FAM131C: variants seen among roughly 807,000 people sequenced by gnomAD.
FAM131C encodes the protein family with sequence similarity 131 member C, also known as protein FAM131C.
FAM131C carries 14 observed loss-of-function variants against 29.8 expected under a neutral mutation model. The ratio of observed to expected loss-of-function variants is 0.47; its 90% CI spans 0.31 to 0.73. FAM131C has a LOEUF of 0.73. Among genes scored for constraint, FAM131C ranks in the 30% least tolerant of loss-of-function variants. The pLI is 0.05. For missense variants in FAM131C, 252 were observed against 383.8 expected (o/e 0.66, Z 2.87); for synonymous variants, 86 against 157.8 (o/e 0.54, Z 3.41).
intron 6 of FAM131C, among the ~76,000 whole-genome samples, chr1:16,059,077 G>C (rs1250520009): frequency 1.3e-5 from 2 of 151,900 alleles, no homozygotes; most frequent in African/African-American, 2.4e-5. Flanking sequence ...TGGGCTTCTA[G>C]AAAGGTGGTT....
In FAM131C at chr1:16,059,048, G is replaced by A. The variant is rs2023542709; in HGVS notation, c.563-331C>T. ...GCTTCCCCCAGGGCCAAGGCTCCTT[G>A]AAGCCCTCAGTAGTAACCTGGGCTT... is the stretch of plus-strand genomic sequence containing the variant. On this transcript the variant is annotated intron_variant, in intron 6 of 6. Coordinates refer to ENST00000375662, the MANE Select transcript of FAM131C (RefSeq NM_182623.3). Among the ~76,000 whole-genome samples the A allele has an allele frequency of 2.0e-5, 3 of 152,068 alleles. No homozygotes were observed. The South Asian group carries it at 6.3e-4, about 32-fold the overall frequency.
intron 4 of FAM131C, 42 bp downstream of exon 4, chr1:16,062,057 C>G: frequency 1.3e-6 from 2 of 1,596,086 alleles, no homozygotes; most frequent in Non-Finnish European, 1.7e-6. Flanking sequence ...AGGGTGGGAC[C>G]GTGCATTCTC....
intron 2 of FAM131C, among the ~76,000 whole-genome samples, chr1:16,062,890 T>A (rs2023623528): frequency 6.6e-6 from 1 of 152,130 alleles, no homozygotes; most frequent in Non-Finnish European, 1.5e-5. Context: ...TGAGTTGTGG[T>A]GAGGCCTAAA....
intron 1 of FAM131C, among the ~76,000 whole-genome samples, chr1:16,065,781 C>G (rs1248871129): frequency 6.6e-6 from 1 of 152,234 alleles, no homozygotes; most frequent in Non-Finnish European, 1.5e-5. Context: ...TCCTCTCGCT[C>G]CATTCCCTAC....
At chr1:16,070,344 C>T (rs1464276875) in intron 1 of FAM131C, among the ~76,000 whole-genome samples, 1 of 152,222 alleles carries the variant, frequency 6.6e-6, no homozygotes, top group African/African-American at 2.4e-5. Flanking sequence ...CATTTGTTGC[C>T]TTAATCTGGT....
intron 2 of FAM131C, among the ~76,000 whole-genome samples, chr1:16,063,229 C>T (rs982474400): frequency 6.6e-6 from 1 of 150,932 alleles, no homozygotes; most frequent in African/African-American, 2.4e-5. Context: ...TGAGGCTGCT[C>T]AGGAGTAGCG....
chr1:16,066,889 A>T (rs1466862323), intron 1 of FAM131C, among the ~76,000 whole-genome samples: 1 of 152,236 alleles, frequency 6.6e-6, no homozygotes, highest in Non-Finnish European at 1.5e-5. Flanking sequence ...CAAGGTGCAG[A>T]CAGGTGGCTC....
chr1:16,065,583 C>T (rs72887134), intron 1 of FAM131C, among the ~76,000 whole-genome samples: 5,243 of 152,330 alleles, frequency 0.034, 224 homozygotes, highest in African/African-American at 0.095. Flanking sequence ...TCTACAGGGG[C>T]TGCCCTAGGT....
At chr1:16,071,028 C>A (rs546099554) in intron 1 of FAM131C, among the ~76,000 whole-genome samples, 60 of 152,388 alleles carry the variant, frequency 3.9e-4, no homozygotes, top group Admixed American at 7.2e-4. Context: ...TCAGTATGGG[C>A]ATCAGCCTGA....
intron 1 of FAM131C, among the ~76,000 whole-genome samples, chr1:16,065,758 G>C (rs1259162372): frequency 6.6e-6 from 1 of 152,162 alleles, no homozygotes; most frequent in Non-Finnish European, 1.5e-5. Context: ...TGCCTGGCTG[G>C]CCTCCTCCAT....
At chr1:16,063,080 T>A (rs927249521) in intron 2 of FAM131C, among the ~76,000 whole-genome samples, 10 of 150,218 alleles carry the variant, frequency 6.7e-5, no homozygotes, top group Non-Finnish European at 1.2e-4. Context: ...TAAATCCATC[T>A]GGACTGAGAA....
Position 16,073,601 on chromosome 1 carries a change from C to A in FAM131C, c.-159G>T. 8.3e-6 allele frequency: 2 copies of A among 242,112 alleles called. No individual in the cohort carries two copies. The highest frequency in any genetic ancestry group is 1.5e-5 in the Non-Finnish European group (2 of 132,992). The allele number at this position is 242,112 out of a possible 1,614,324, so 15.0% of individuals were successfully genotyped here. On this transcript the variant is annotated 5_prime_UTR_variant, in exon 1 of 7. Transcript: ENST00000375662. ...CGGCCTCAGCTCCAGCCTGGGTCGT[C>A]CCTGCTGCCGCCGCGCCCGGCTCGC...
At chr1:16,071,914 G>C (rs1352760626) in intron 1 of FAM131C, among the ~76,000 whole-genome samples, 1 of 152,212 alleles carries the variant, frequency 6.6e-6, no homozygotes, top group Non-Finnish European at 1.5e-5. Flanking sequence ...CTGATATGGG[G>C]TGGCCAAGTG....
chr1:16,061,601 G>A (rs76696255), intron 4 of FAM131C, among the ~76,000 whole-genome samples: 3,581 of 152,260 alleles, frequency 0.024, 66 homozygotes, highest in Middle Eastern at 0.041. Context: ...GCCTTGGGGT[G>A]TCATCAATTC....
chr1:16,067,376 C>T (rs2023695299), intron 1 of FAM131C, among the ~76,000 whole-genome samples: 1 of 152,162 alleles, frequency 6.6e-6, no homozygotes, highest in Non-Finnish European at 1.5e-5. Flanking sequence ...GGCTGGGAGG[C>T]AGCCCGAAGG....
Position 16,060,065 on chromosome 1 carries a change from G to A in FAM131C, c.269-14C>T, listed in dbSNP as rs1426560399. The A allele has an allele frequency of 7.5e-7, 1 of 1,342,080 alleles. No individual in the cohort carries two copies. Among genetic ancestry groups the A allele is most frequent in the African/African-American group, 1.4e-5 (1 of 69,076 alleles). 83.1% of individuals were successfully genotyped at this position (1,342,080 alleles called of 1,614,324 possible). A position where few individuals can be genotyped will look rare whatever the true frequency, so the allele number is the denominator to read the frequency against. ...TCTGCACCACCCCTGGGGCATGGAG[G>A]GCATCTGGGTGACTGTCCTGACACA... On this transcript the variant is annotated splice_polypyrimidine_tract_variant and intron_variant, in intron 4 of 6. Transcript: ENST00000375662.
Position 16,073,545 on chromosome 1 carries a change from G to A in FAM131C, c.-103C>T, listed in dbSNP as rs111837937. On this transcript the variant is annotated 5_prime_UTR_variant, in exon 1 of 7. Coordinates refer to ENST00000375662, the MANE Select transcript of FAM131C (RefSeq NM_182623.3). ...CTGAGCGCTGCGGAGCCAGAGGACGGGCGGGGCGGGGGGCTCGGGCGCCCT... is the reference window on the plus strand; with the variant it reads ...CTGAGCGCTGCGGAGCCAGAGGACGAGCGGGGCGGGGGGCTCGGGCGCCCT... 1.7e-6 allele frequency: 1 copy of A among 577,308 alleles called. No individual in the cohort carries two copies. Among genetic ancestry groups the A allele is most frequent in the African/African-American group, 2.0e-5 (1 of 50,738 alleles). 35.8% of individuals were successfully genotyped at this position (577,308 alleles called of 1,614,324 possible). A position where few individuals can be genotyped will look rare whatever the true frequency, so the allele number is the denominator to read the frequency against.
intron 2 of FAM131C, 105 bp downstream of exon 2, chr1:16,063,416 T>A (rs2023632882): frequency 1.1e-6 from 1 of 887,638 alleles, no homozygotes; most frequent in African/African-American, 1.7e-5. Context: ...AGAAGCGGGT[T>A]TGGCAGGGAA....
intron 1 of FAM131C, among the ~76,000 whole-genome samples, chr1:16,068,295 G>A (rs1000917367): frequency 3.3e-5 from 5 of 152,254 alleles, no homozygotes; most frequent in African/African-American, 4.8e-5. Context: ...CTTAGCCCCT[G>A]TGAGCCTTGG....
Sources: gnomAD v4.1 joint callset for allele counts (sites outside exome capture counted in the v4.1 genomes callset) on GRCh38, gnomAD v4.1.1 for gene constraint, MANE v1.5 for transcripts, NCBI Gene and HGNC (gene_info 2026-07-23, HGNC 2026-07-21) for gene names.